RAP1GAP2: variants seen among roughly 807,000 people sequenced by gnomAD.
RAP1GAP2 encodes the protein RAP1 GTPase activating protein 2.
Under a neutral mutation model 95.0 loss-of-function variants are expected in RAP1GAP2, and 27 were observed. That is an observed-to-expected ratio of 0.28 (90% CI 0.21 to 0.39). The LOEUF (loss-of-function observed/expected upper bound fraction) is 0.39, where lower values mean the gene tolerates loss of function less well. Among genes scored for constraint, RAP1GAP2 ranks in the 10% least tolerant of loss-of-function variants. The probability of loss-of-function intolerance (pLI) is 1.00; values close to 1 mark genes in which losing one functional copy is unlikely to be tolerated. For missense variants in RAP1GAP2, 771 were observed against 970.0 expected, an observed-to-expected ratio of 0.79 and a Z score of 2.72; for synonymous variants, 373 against 380.9, an observed-to-expected ratio of 0.98 and a Z score of 0.24.
chr17:2,756,397 A>AG (rs1425417455), intron 1 of RAP1GAP2, among the ~76,000 whole-genome samples: 2 of 152,188 alleles, frequency 1.3e-5, no homozygotes, highest in African/African-American at 2.4e-5. Context: ...CTGCGGTGTC[A>AG]GGTTACCGGA....
At chr17:2,999,406 A>G (rs906387468) in intron 14 of RAP1GAP2, among the ~76,000 whole-genome samples, 1 of 152,222 alleles carries the variant, frequency 6.6e-6, no homozygotes. Context: ...TGGATTCCTG[A>G]AAAGAGAGGC....
chr17:2,965,594 G>A lies in RAP1GAP2; in HGVS notation c.547G>A (p.Val183Ile), dbSNP rs145636425. 93 of 1,612,688 alleles carry A rather than the reference G, an allele frequency of 5.8e-5. No individual in the cohort carries two copies. The African/African-American group carries it at 9.2e-4, about 16-fold the overall frequency. Reference protein sequence around the residue: ...GSSLGNLILSVKCEEAEGIEY... With the variant: ...GSSLGNLILSIKCEEAEGIEY... The stretch of plus-strand genomic sequence containing the variant: ...CAGCCTGGGGAACTTGATCCTGTCC[G>A]TCAAGTGCGAGGAAGCAGAGGGGAT... Residue 183 changes from valine to isoleucine, a missense_variant, in exon 8 of 25, where the codon GTC becomes ATC. Val to Ile is a conservative substitution (Grantham distance 29). Transcript: ENST00000254695. The surrounding 1 kb of genome is among the most constrained non-coding windows in gnomAD (Gnocchi z 4.7).
At chr17:2,951,269 C>T (rs2043914849) in intron 3 of RAP1GAP2, among the ~76,000 whole-genome samples, 1 of 152,238 alleles carries the variant, frequency 6.6e-6, no homozygotes, top group South Asian at 2.1e-4. Flanking sequence ...CATTCAGTTC[C>T]TGCTGCCCGA....
intron 2 of RAP1GAP2, among the ~76,000 whole-genome samples, chr17:2,890,976 A>G (rs2317670): frequency 0.14 from 21,610 of 151,578 alleles, 1,920 homozygotes; most frequent in Non-Finnish European, 0.2. Context: ...TTGAGCCACC[A>G]CGCCCGACCA....
chr17:3,020,542 C>T lies in RAP1GAP2; in HGVS notation c.1698C>T (p.Leu566=). The T allele has an allele frequency of 1.2e-6, 2 of 1,613,906 alleles. No homozygotes were observed. Among genetic ancestry groups the T allele is most frequent in the East Asian group, 2.2e-5 (1 of 44,874 alleles). The change falls in exon 19 of 25, where the codon CTC becomes CTT. Residue 566 remains leucine (L), a synonymous_variant. Transcript: ENST00000254695. ...GTCCCATCAAGCGACGCTCGGGGCTCTTCCCCCGCCTGCACACGGGCTCAG... is the reference window on the plus strand; with the variant it reads ...GTCCCATCAAGCGACGCTCGGGGCTTTTCCCCCGCCTGCACACGGGCTCAG... ...SRSPIKRRSG[L]FPRLHTGSEG... is the part of the protein sequence containing the mutation.
Position 2,972,035 on chromosome 17 carries a change from C to G in RAP1GAP2, c.596+6392C>G, listed in dbSNP as rs543135523. Among the ~76,000 whole-genome samples, 10 of 152,286 alleles carry G rather than the reference C, an allele frequency of 6.6e-5. No individual in the cohort carries two copies. The East Asian group carries it at 1.7e-3, about 26-fold the overall frequency. ...GATTACTAATGGATGCTGTGTTCAA[C>G]TCATGCTATTAAATTGCTTCTGTTT... On this transcript the variant is annotated intron_variant, in intron 8 of 24. Coordinates refer to ENST00000254695, the MANE Select transcript of RAP1GAP2 (RefSeq NM_015085.5).
intron 3 of RAP1GAP2, among the ~76,000 whole-genome samples, chr17:2,942,667 A>G (rs1381767630): frequency 1.3e-5 from 2 of 152,168 alleles, no homozygotes; most frequent in Non-Finnish European, 2.9e-5. Flanking sequence ...AATTGGTGAA[A>G]TTTATATAAC....
At chr17:2,780,146 G>A (rs2068609149) in intron 1 of RAP1GAP2, among the ~76,000 whole-genome samples, 2 of 152,308 alleles carry the variant, frequency 1.3e-5, no homozygotes, top group South Asian at 4.1e-4. Context: ...CGCCTCCTGG[G>A]TTCAAGTGAT....
chr17:3,020,628 C>T (rs1392213869), intron 19 of RAP1GAP2, 33 bp downstream of exon 19: 1 of 1,576,844 alleles, frequency 6.3e-7, no homozygotes, highest in Non-Finnish European at 8.7e-7. Flanking sequence ...CCCAGCCTGA[C>T]TTGCGGGGTC....
chr17:3,030,967 T>G lies in RAP1GAP2; in HGVS notation c.2153T>G (p.Phe718Cys), dbSNP rs576727576. Residue 718 changes from phenylalanine (F) to cysteine (C), a missense_variant, in exon 23 of 25, where the codon TTT becomes TGT. Coordinates refer to ENST00000254695, the MANE Select transcript of RAP1GAP2 (RefSeq NM_015085.5). The part of the protein sequence containing the change: ...NSPRSNLKFR[F>C]DKLSHASSGA... ...CCGAGATCGAACCTGAAATTCCGCTTTGACAAGCTCAGCCATGCCAGCTCT... is the reference window on the plus strand; with the variant it reads ...CCGAGATCGAACCTGAAATTCCGCTGTGACAAGCTCAGCCATGCCAGCTCT... The G allele has an allele frequency of 5.0e-6, 8 of 1,611,054 alleles. No homozygotes were observed. The highest frequency in any genetic ancestry group is 1.6e-4 in the Middle Eastern group (1 of 6,062).
chr17:2,861,468 C>T (rs948745040), intron 2 of RAP1GAP2, among the ~76,000 whole-genome samples: 1 of 148,698 alleles, frequency 6.7e-6, no homozygotes, highest in Non-Finnish European at 1.5e-5. Flanking sequence ...TTGCCTGTTT[C>T]TCTGGGGTCT....
At chr17:2,943,534 A>G (rs1007550355) in intron 3 of RAP1GAP2, among the ~76,000 whole-genome samples, 1 of 151,938 alleles carries the variant, frequency 6.6e-6, no homozygotes, top group East Asian at 2.0e-4. Flanking sequence ...GTGTGGTGGC[A>G]CACGCCTGTA....
rs2047447454 is a variant in RAP1GAP2 at position 3,035,625 on chromosome 17, T to C, written c.*2264T>C. 4 of 152,384 alleles carry C rather than the reference T, an allele frequency of 2.6e-5. No homozygotes were observed. Among genetic ancestry groups the C allele is most frequent in the Admixed American group, 2.6e-4 (4 of 15,284 alleles). The allele number at this position is 152,384 out of a possible 1,614,324, so 9.4% of individuals were successfully genotyped here. Reference sequence around the variant, plus strand: ...GGAATGATCTGAACAGGACCCCAAATGCCTCTTCCCTCTGGTCATGCCTCA... The same window carrying C: ...GGAATGATCTGAACAGGACCCCAAACGCCTCTTCCCTCTGGTCATGCCTCA... On this transcript the variant is annotated 3_prime_UTR_variant, in exon 25 of 25. Coordinates refer to ENST00000254695, the MANE Select transcript of RAP1GAP2 (RefSeq NM_015085.5). This position sits in a 1 kb window ranked among gnomAD's most constrained non-coding sequence, Gnocchi z 4.3.
At chr17:2,959,654 G>A (rs1055871980) in intron 4 of RAP1GAP2, among the ~76,000 whole-genome samples, 3 of 152,196 alleles carry the variant, frequency 2.0e-5, no homozygotes, top group Non-Finnish European at 4.4e-5. Context: ...CTGGAATCCG[G>A]GATTCCCGAT....
At chr17:2,777,936 C>T (rs896262527) in intron 1 of RAP1GAP2, among the ~76,000 whole-genome samples, 16 of 146,984 alleles carry the variant, frequency 1.1e-4, no homozygotes, top group African/African-American at 3.8e-4. Context: ...ACAGCTTGCA[C>T]AGCTGCCAGG....
chr17:2,997,922 C>CA (rs1313908992), intron 13 of RAP1GAP2, among the ~76,000 whole-genome samples: 1,614 of 67,104 alleles, frequency 0.024, 17 homozygotes, highest in African/African-American at 0.047. Flanking sequence ...GACCCTGTCT[C>CA]AAAAAAAAAA....
At chr17:2,921,382 T>C (rs2042764341) in intron 3 of RAP1GAP2, among the ~76,000 whole-genome samples, 2 of 151,982 alleles carry the variant, frequency 1.3e-5, no homozygotes, top group East Asian at 1.9e-4. Flanking sequence ...TTTGTATTTT[T>C]AGTAGAGACG....
chr17:2,947,192 C>T (rs1436372721), intron 3 of RAP1GAP2, among the ~76,000 whole-genome samples: 2 of 148,562 alleles, frequency 1.3e-5, no homozygotes, highest in Non-Finnish European at 3.0e-5. Flanking sequence ...GCAAAGGAGC[C>T]GTGAGCATCA....
chr17:2,793,022 C>T (rs178573), upstream of RAP1GAP2, among the ~76,000 whole-genome samples: 142,519 of 152,196 alleles, frequency 0.94, 67,439 homozygotes, highest in Non-Finnish European at 1. Context: ...GGTGGTGAGG[C>T]GTGCCCAAGT....
Sources: gnomAD v4.1 joint callset for allele counts (sites outside exome capture counted in the v4.1 genomes callset) on GRCh38, gnomAD v4.1.1 for gene constraint, Gnocchi (gnomAD v3.1) non-coding constraint, MANE v1.5 for transcripts, NCBI Gene and HGNC (gene_info 2026-07-23, HGNC 2026-07-21) for gene names.